The following KCTD19 variants were observed in gnomAD, a reference collection of about 807,000 sequenced individuals.
The protein encoded by KCTD19 is BTB/POZ domain-containing protein KCTD19.
In KCTD19, 67 loss-of-function variants were observed where a neutral mutation model predicts 103.5. That is an observed-to-expected ratio of 0.65 (90% CI 0.53 to 0.79). The LOEUF is 0.79. KCTD19 is among the 30% of genes least tolerant of loss of function. KCTD19 has a pLI of 0.00. For synonymous variants in KCTD19, 439 were observed against 452.2 expected (o/e 0.97, Z 0.37); for missense variants, 980 against 1,136.1 (o/e 0.86, Z 1.98).
intron 2 of KCTD19, among the ~76,000 whole-genome samples, chr16:67,305,902 G>A (rs918272958): frequency 1.3e-5 from 2 of 152,120 alleles, no homozygotes; most frequent in Non-Finnish European, 1.5e-5. Context: ...AACTGTGCCC[G>A]CATAATCACT....
Position 67,295,015 on chromosome 16 carries a change from A to AT in KCTD19, c.1432dup (p.Ile478AsnfsTer12). 6.2e-7 allele frequency: 1 copy of AT among 1,614,066 alleles called. No individual in the cohort carries two copies. The highest frequency in any genetic ancestry group is 8.5e-7 in the Non-Finnish European group (1 of 1,179,918). Reference sequence around the variant, plus strand: ...TGCAAGGGCTTCTGAGAGGGATGGAATGTGGTATTCCTCCACCTCCTGGCA... The same window carrying AT: ...TGCAAGGGCTTCTGAGAGGGATGGAATTGTGGTATTCCTCCACCTCCTGGCA... On this transcript the variant is annotated frameshift_variant, in exon 10 of 16. Transcript: ENST00000304372. LOFTEE classifies it high-confidence loss of function.
At chr16:67,314,036 T>C (rs951179585) in intron 2 of KCTD19, among the ~76,000 whole-genome samples, 5 of 151,976 alleles carry the variant, frequency 3.3e-5, no homozygotes, top group Non-Finnish European at 5.9e-5. Flanking sequence ...TTTAAATTTT[T>C]TGTAGAGATG....
chr16:67,303,110 G>GGCCGGC lies in KCTD19; in HGVS notation c.643+35_643+36insGCCGGC. ...GGGGAGGGGTGAATGGGCCCTATCA[G>GGCCGGC]CCCGCCCCCCACCCCACCCCGGACA... On this transcript the variant is annotated intron_variant, in intron 4 of 15. Coordinates refer to ENST00000304372, the MANE Select transcript of KCTD19 (RefSeq NM_001100915.3). This position sits in a 1 kb window ranked among gnomAD's most constrained non-coding sequence, Gnocchi z 4.3. 1 of 947,050 alleles carries GGCCGGC rather than the reference G, an allele frequency of 1.1e-6. No individual in the cohort carries two copies. Among genetic ancestry groups the GGCCGGC allele is most frequent in the Non-Finnish European group, 1.6e-6 (1 of 621,078 alleles). 58.7% of individuals were successfully genotyped at this position (947,050 alleles called of 1,614,324 possible). A position where few individuals can be genotyped will look rare whatever the true frequency, so the allele number is the denominator to read the frequency against.
intron 1 of KCTD19, among the ~76,000 whole-genome samples, chr16:67,325,202 T>TTC (rs2037126844): frequency 7.2e-6 from 1 of 138,946 alleles, no homozygotes; most frequent in African/African-American, 3.1e-5. Context: ...TTTTTTTCTT[T>TTC]TTTTCTTTTT....
intron 2 of KCTD19, among the ~76,000 whole-genome samples, chr16:67,310,686 T>C (rs1176566425): frequency 1.3e-5 from 2 of 152,222 alleles, no homozygotes; most frequent in Non-Finnish European, 2.9e-5. Flanking sequence ...ATGTGTGTGG[T>C]TGCCAAAGAT....
intron 15 of KCTD19, among the ~76,000 whole-genome samples, chr16:67,290,279 G>A (rs2036667774): frequency 1.5e-5 from 2 of 134,944 alleles, no homozygotes; most frequent in Non-Finnish European, 3.1e-5. Context: ...CCGGGTTTAC[G>A]CCATTCTCCT....
chr16:67,325,207 C>CTTTTTTTTTT (rs10695930), intron 1 of KCTD19, among the ~76,000 whole-genome samples: 104 of 113,140 alleles, frequency 9.2e-4, no homozygotes, highest in African/African-American at 2.8e-3. Context: ...TTCTTTTTTT[C>CTTTTTTTTTT]TTTTTTTTTT....
chr16:67,316,257 G>T (rs1472704415), intron 2 of KCTD19, among the ~76,000 whole-genome samples: 1 of 151,900 alleles, frequency 6.6e-6, no homozygotes, highest in Admixed American at 6.6e-5. Flanking sequence ...TGCCCAGGCT[G>T]GTCTTGTCCT....
rs1031419274 is a variant in KCTD19, at chr16:67,307,399, C to T, written c.301-2828G>A. 6.0e-5 allele frequency among the ~76,000 whole-genome samples: 9 copies of T among 149,636 alleles called. No individual in the cohort carries two copies. The South Asian group carries it at 8.5e-4, about 14-fold the overall frequency. On this transcript the variant is annotated intron_variant, in intron 2 of 15. Transcript: ENST00000304372. ...CCCAATCTTGACTTACTGCAACCTCCGCCTCCCAGGCTCAGGTGATCCTCC... is the reference window on the plus strand; with the variant it reads ...CCCAATCTTGACTTACTGCAACCTCTGCCTCCCAGGCTCAGGTGATCCTCC...
chr16:67,291,757 G>T lies in KCTD19; in HGVS notation c.2299C>A (p.Pro767Thr), dbSNP rs566969405. The change falls in exon 13 of 16, where the codon CCC becomes ACC. Residue 767 changes from proline to threonine, a missense_variant. Coordinates refer to ENST00000304372, the MANE Select transcript of KCTD19 (RefSeq NM_001100915.3). Reference protein sequence around the residue: ...LGVILKVTHPPVVGSDGFCMF... With the variant: ...LGVILKVTHPTVVGSDGFCMF... ...CAGAAGCCATCGCTGCCCACCACGG[G>T]GGGGTGAGTCACTTTGAGGATAACC... 23 of 1,614,114 alleles carry T rather than the reference G, an allele frequency of 1.4e-5. No individual in the cohort carries two copies. In the South Asian group the frequency reaches 2.2e-4, roughly 15 times the overall value.
chr16:67,317,865 C>A (rs2037029164), intron 2 of KCTD19, among the ~76,000 whole-genome samples: 1 of 152,106 alleles, frequency 6.6e-6, no homozygotes, highest in African/African-American at 2.4e-5. Context: ...TGGGTGAATG[C>A]ATTAAGTTGG....
In KCTD19 at chr16:67,293,546, C is replaced by G. The variant is rs1363958583; in HGVS notation, c.2216G>C (p.Arg739Thr). 1 of 1,613,042 alleles carries G rather than the reference C, an allele frequency of 6.2e-7. No homozygotes were observed. Among genetic ancestry groups the G allele is most frequent in the African/African-American group, 1.3e-5 (1 of 74,864 alleles). ...KDWSKQRTKE[R>T]ESPAPEQPLP... ...GATCAAAGGGGGACAGGACTCACCT[C>G]TCTCCTTGGTCCTCTGCTTGCTCCA... The change falls in exon 12 of 16, where the codon AGA becomes ACA. Residue 739 changes from arginine to threonine, a missense_variant and splice_region_variant. Physicochemically the swap from Arg to Thr is moderately conservative, Grantham distance 71. Transcript: ENST00000304372. This position sits in a 1 kb window ranked among gnomAD's most constrained non-coding sequence, Gnocchi z 4.0.
intron 2 of KCTD19, among the ~76,000 whole-genome samples, chr16:67,314,600 T>C (rs141279484): frequency 2.6e-5 from 4 of 151,798 alleles, no homozygotes; most frequent in South Asian, 4.2e-4. Context: ...TTGTTTGTTA[T>C]AGAGATGGGG....
At position 67,323,918 on chromosome 16, in the gene KCTD19, C is replaced by T. The variant is rs1273285988; in HGVS notation, c.3+2787G>A. On this transcript the variant is annotated intron_variant, in intron 1 of 15. Coordinates refer to ENST00000304372, the MANE Select transcript of KCTD19 (RefSeq NM_001100915.3). The surrounding 1 kb of genome is among the most constrained non-coding windows in gnomAD (Gnocchi z 4.1). ...AAAAAAAAAAAAGATGAGGTACTGT[C>T]CATTCCATGGAGCGCATGCAGAACT... 6.6e-6 allele frequency among the ~76,000 whole-genome samples: 1 copy of T among 151,928 alleles called. No homozygotes were observed. The highest frequency in any genetic ancestry group is 1.5e-5 in the Non-Finnish European group (1 of 67,990).
intron 2 of KCTD19, among the ~76,000 whole-genome samples, chr16:67,308,165 CTTTT>C (rs1469640437): frequency 2.8e-5 from 4 of 145,378 alleles, no homozygotes; most frequent in Non-Finnish European, 6.0e-5. Context: ...TTCCTTCTTT[CTTTT>C]CTTTTTTTTT....
intron 2 of KCTD19, among the ~76,000 whole-genome samples, chr16:67,307,302 C>A (rs1295508993): frequency 6.6e-6 from 1 of 150,406 alleles, no homozygotes; most frequent in Non-Finnish European, 1.5e-5. Context: ...GTGCACATCA[C>A]AACACCCTGC....
chr16:67,326,549 G>C, intron 1 of KCTD19, 156 bp downstream of exon 1: 1 of 957,410 alleles, frequency 1.0e-6, no homozygotes, highest in Non-Finnish European at 1.5e-6. Context: ...TAACTCCTCA[G>C]AGCCAGCCCC....
chr16:67,291,185 C>CACTGG (rs1567446134), intron 14 of KCTD19, 124 bp downstream of exon 14: 1 of 1,272,978 alleles, frequency 7.9e-7, no homozygotes, highest in Non-Finnish European at 1.1e-6. Context: ...ACTCTTCTGG[C>CACTGG]CCTGGCCTTC....
intron 2 of KCTD19, among the ~76,000 whole-genome samples, chr16:67,309,860 G>A (rs1040198340): frequency 6.6e-6 from 1 of 152,160 alleles, no homozygotes; most frequent in Non-Finnish European, 1.5e-5. Context: ...GATCTATTTT[G>A]CAGAAATGAA....
Sources: gnomAD v4.1 joint callset for allele counts (sites outside exome capture counted in the v4.1 genomes callset) on GRCh38, gnomAD v4.1.1 for gene constraint, Gnocchi (gnomAD v3.1) non-coding constraint, MANE v1.5 for transcripts, NCBI Gene and HGNC (gene_info 2026-07-23, HGNC 2026-07-21) for gene names.